SLC35F1: variants seen among roughly 807,000 people sequenced by gnomAD.
SLC35F1 encodes chromosome 6 open reading frame 169.
Under a neutral mutation model 48.7 loss-of-function variants are expected in SLC35F1, and 14 were observed. The ratio of observed to expected loss-of-function variants is 0.29; its 90% CI spans 0.19 to 0.45. SLC35F1 has a LOEUF of 0.45. SLC35F1 is among the 20% of genes least tolerant of loss of function. The pLI is 1.00. For synonymous variants in SLC35F1, 190 were observed against 202.2 expected (o/e 0.94, Z 0.51); for missense variants, 404 against 500.0 (o/e 0.81, Z 1.83).
chr6:118,275,199 T>G (rs540231551), intron 4 of SLC35F1, among the ~76,000 whole-genome samples: 1 of 152,238 alleles, frequency 6.6e-6, no homozygotes, highest in Admixed American at 6.5e-5. Flanking sequence ...ATAGTGGGCT[T>G]TGTAGAGAGG....
intron 1 of SLC35F1, among the ~76,000 whole-genome samples, chr6:118,039,324 A>G (rs1772177909): frequency 6.6e-6 from 1 of 152,060 alleles, no homozygotes; most frequent in African/African-American, 2.4e-5. Flanking sequence ...GATGTATTTA[A>G]GAATGGTTAC....
chr6:118,285,242 C>T lies in SLC35F1; in HGVS notation c.906C>T (p.Val302=), dbSNP rs749385098. The T allele has an allele frequency of 4.3e-6, 7 of 1,613,748 alleles. No homozygotes were observed. Among genetic ancestry groups the T allele is most frequent in the South Asian group, 1.1e-5 (1 of 91,076 alleles). Residue 302 remains valine, a synonymous_variant, in exon 7 of 8, where the codon GTC becomes GTT. Coordinates refer to ENST00000360388, the MANE Select transcript of SLC35F1 (RefSeq NM_001029858.4). ...TTGGTCTCTACAGCTTTATGCCAGT[C>T]GTCATAAAGAAAACCAGTGCCACTT... is the stretch of plus-strand genomic sequence containing the variant. The part of the protein sequence containing the change: ...CMFGLYSFMP[V]VIKKTSATSV...
At chr6:117,998,859 A>T in intron 1 of SLC35F1, 2 of 597,122 alleles carry the variant, frequency 3.3e-6, no homozygotes, top group Non-Finnish European at 6.0e-6. Context: ...CATCACAATT[A>T]AAAGAACTAG....
At chr6:118,022,820 G>C (rs1273232120) in intron 1 of SLC35F1, among the ~76,000 whole-genome samples, 5 of 149,222 alleles carry the variant, frequency 3.4e-5, no homozygotes, top group African/African-American at 9.9e-5. Flanking sequence ...GTGCGATCTC[G>C]GCTCACTGCA....
chr6:118,191,711 T>G (rs1369105500), intron 2 of SLC35F1, among the ~76,000 whole-genome samples: 1 of 152,196 alleles, frequency 6.6e-6, no homozygotes, highest in Non-Finnish European at 1.5e-5. Flanking sequence ...CTTTACCTGG[T>G]GAAAATACAG....
At chr6:117,934,829 G>A (rs2760227) in intron 1 of SLC35F1, among the ~76,000 whole-genome samples, 14,827 of 152,150 alleles carry the variant, frequency 0.097, 1,654 homozygotes, top group African/African-American at 0.27. Context: ...TCACTTGGCC[G>A]GGCATGGCAG....
At position 117,923,638 on chromosome 6, in the gene SLC35F1, C is replaced by CAT. The variant is rs1562238569; in HGVS notation, c.173+15742_173+15743dup. Among the ~76,000 whole-genome samples the CAT allele has an allele frequency of 2.0e-4, 10 of 50,962 alleles. 3 individuals carry two copies. Among genetic ancestry groups the CAT allele is most frequent in the East Asian group, 5.0e-4 (1 of 1,992 alleles). The allele number at this position is 50,962 out of a possible 152,430, so 33.4% of individuals were successfully genotyped here. A position where few individuals can be genotyped will look rare whatever the true frequency, so the allele number is the denominator to read the frequency against. On this transcript the variant is annotated intron_variant, in intron 1 of 7. Coordinates refer to ENST00000360388, the MANE Select transcript of SLC35F1 (RefSeq NM_001029858.4). ...ACATATGTATATATACATATATGTA[C>CAT]ATATGTACATATGTACATATGTATA...
chr6:118,227,755 T>C (rs1280049998), intron 2 of SLC35F1, among the ~76,000 whole-genome samples: 1 of 152,100 alleles, frequency 6.6e-6, no homozygotes, highest in Non-Finnish European at 1.5e-5. Flanking sequence ...AAAAGAAAAG[T>C]GCTGAGGAAC....
intron 3 of SLC35F1, among the ~76,000 whole-genome samples, chr6:118,252,097 C>T (rs1310733742): frequency 2.0e-5 from 3 of 152,110 alleles, no homozygotes; most frequent in Admixed American, 6.5e-5. Context: ...AAGACAAAGT[C>T]AAGGAAAGGA....
rs552688581 is a variant in SLC35F1, at chr6:118,258,413, A to G, written c.478-8582A>G. Among the ~76,000 whole-genome samples, 462 of 152,242 alleles carry G rather than the reference A, an allele frequency of 3.0e-3. 2 individuals carry two copies. Among genetic ancestry groups the G allele is most frequent in the African/African-American group, 0.01 (433 of 41,586 alleles). On this transcript the variant is annotated intron_variant, in intron 3 of 7. Coordinates refer to ENST00000360388, the MANE Select transcript of SLC35F1 (RefSeq NM_001029858.4). ...AATTCAAAATTTCATTTGAAACTCCATAAAAGTTTGGAGAAAGATACAGAT... is the reference window on the plus strand; with the variant it reads ...AATTCAAAATTTCATTTGAAACTCCGTAAAAGTTTGGAGAAAGATACAGAT...
chr6:118,285,792 G>A (rs1047252638), intron 7 of SLC35F1, among the ~76,000 whole-genome samples: 2 of 152,268 alleles, frequency 1.3e-5, no homozygotes, highest in Middle Eastern at 3.4e-3. Context: ...AATATGAATG[G>A]AAAATGCTAA....
At chr6:118,238,100 TTC>T (rs1775389406) in intron 3 of SLC35F1, among the ~76,000 whole-genome samples, 1 of 152,108 alleles carries the variant, frequency 6.6e-6, no homozygotes, top group Non-Finnish European at 1.5e-5. Flanking sequence ...ACACCTATGT[TTC>T]TCTCTCTTAA....
At chr6:118,118,082 A>G (rs911526901) in intron 1 of SLC35F1, among the ~76,000 whole-genome samples, 1 of 152,062 alleles carries the variant, frequency 6.6e-6, no homozygotes, top group African/African-American at 2.4e-5. Flanking sequence ...TTTCATTCCT[A>G]TCTAGTAAAC....
intron 2 of SLC35F1, among the ~76,000 whole-genome samples, chr6:118,230,925 C>T (rs1375686220): frequency 1.3e-5 from 2 of 152,152 alleles, no homozygotes; most frequent in Non-Finnish European, 2.9e-5. Context: ...CACGCCACTG[C>T]ACTCCAGTCT....
chr6:118,267,835 C>T (rs534883226), intron 4 of SLC35F1, among the ~76,000 whole-genome samples: 1 of 152,196 alleles, frequency 6.6e-6, no homozygotes, highest in Non-Finnish European at 1.5e-5. Flanking sequence ...CTGGGGGAGC[C>T]CTGAGTCAGG....
chr6:118,313,974 GT>G, intron 7 of SLC35F1, 53 bp from the exon 8 acceptor site: 1 of 1,522,064 alleles, frequency 6.6e-7, no homozygotes, highest in Non-Finnish European at 9.1e-7. Flanking sequence ...CCTCATTAAT[GT>G]GTCAGTGGTT....
At chr6:117,920,678 T>C (rs1318138816) in intron 1 of SLC35F1, among the ~76,000 whole-genome samples, 2 of 152,296 alleles carry the variant, frequency 1.3e-5, no homozygotes, top group African/African-American at 4.8e-5. Flanking sequence ...AAGAACACAG[T>C]GCAGGATTTA....
chr6:117,923,679 A>ACATATACATATG (rs1775952240), intron 1 of SLC35F1, among the ~76,000 whole-genome samples: 1 of 47,978 alleles, frequency 2.1e-5, no homozygotes, highest in African/African-American at 8.5e-5. Context: ...ATATATGTAC[A>ACATATACATATG]TATATACATA....
chr6:118,153,940 G>T (rs1423966991), intron 1 of SLC35F1, among the ~76,000 whole-genome samples: 1 of 152,068 alleles, frequency 6.6e-6, no homozygotes, highest in East Asian at 1.9e-4. Flanking sequence ...TTCACCTAGG[G>T]GTTTCTGGAT....
Sources: allele counts gnomAD v4.1 joint callset (sites outside exome capture counted in the v4.1 genomes callset), GRCh38; gene constraint gnomAD v4.1.1; transcripts MANE v1.5; gene names NCBI Gene and HGNC (gene_info 2026-07-23, HGNC 2026-07-21).